Variants in PLOD1 observed in about 807,000 individuals in gnomAD.
PLOD1 encodes lysine hydroxylase.
A neutral mutation model predicts 94.7 loss-of-function variants in PLOD1; 70 were observed. The observed-to-expected ratio is 0.74, with a 90% confidence interval of 0.61 to 0.90. The LOEUF (loss-of-function observed/expected upper bound fraction) is 0.90. Among genes scored for constraint, PLOD1 ranks in the 40% least tolerant of loss-of-function variants. The pLI, the probability that PLOD1 is intolerant of heterozygous loss-of-function variation, is 0.00. For missense variants in PLOD1, 905 were observed against 972.7 expected (o/e 0.93, Z 0.93); for synonymous variants, 417 against 400.2 (o/e 1.04, Z -0.50).
chr1:11,965,733 T>A, intron 14 of PLOD1, 140 bp downstream of exon 14: 1 of 635,338 alleles, frequency 1.6e-6, no homozygotes, highest in East Asian at 2.7e-5. Context: ...CCCAGGAGGC[T>A]ATAGGGCAGG....
rs533577738 is a variant in PLOD1, at chr1:11,951,609, A to T, written c.467-1014A>T. On this transcript the variant is annotated intron_variant, in intron 4 of 18. Coordinates refer to ENST00000196061, the MANE Select transcript of PLOD1 (RefSeq NM_000302.4). The stretch of plus-strand genomic sequence containing the variant: ...TAATGTAAAATATATTATATATATT[A>T]TATATAATAATTTATATAATATATA... Among the ~76,000 whole-genome samples the T allele has an allele frequency of 1.2e-4, 17 of 146,752 alleles. No homozygotes were observed. The East Asian group carries it at 3.3e-3, about 29-fold the overall frequency.
intron 1 of PLOD1, among the ~76,000 whole-genome samples, chr1:11,936,823 A>G (rs1451675310): frequency 6.7e-6 from 1 of 149,014 alleles, no homozygotes; most frequent in Non-Finnish European, 1.5e-5. Flanking sequence ...GCACCCAGCC[A>G]GGAACCACCA....
In PLOD1 at chr1:11,955,430, T is replaced by C. The variant is rs186299298; in HGVS notation, c.643+537T>C. The stretch of plus-strand genomic sequence containing the variant: ...CCTCCCCACAGGGGACTCAGTTTTC[T>C]TATCTTTACAAAAGGGAAGTGAACC... On this transcript the variant is annotated intron_variant, in intron 6 of 18. Coordinates refer to ENST00000196061, the MANE Select transcript of PLOD1 (RefSeq NM_000302.4). 1.1e-3 allele frequency among the ~76,000 whole-genome samples: 169 copies of C among 151,004 alleles called. 1 individual carries two copies. The highest frequency in any genetic ancestry group is 2.1e-3 in the Non-Finnish European group (139 of 67,732).
chr1:11,953,581 C>CA (rs932382128), intron 5 of PLOD1, among the ~76,000 whole-genome samples: 19 of 151,494 alleles, frequency 1.3e-4, no homozygotes, highest in Admixed American at 5.9e-4. Flanking sequence ...CACCTGAGGT[C>CA]AGGAGTTTGA....
At chr1:11,959,459 T>C (rs1341348075) in intron 9 of PLOD1, among the ~76,000 whole-genome samples, 4 of 150,502 alleles carry the variant, frequency 2.7e-5, no homozygotes, top group Non-Finnish European at 5.9e-5. Flanking sequence ...TTTTTTTTTT[T>C]TGAGACAGAG....
chr1:11,935,110 A>G (rs544754519), intron 1 of PLOD1, among the ~76,000 whole-genome samples: 75 of 152,350 alleles, frequency 4.9e-4, no homozygotes, highest in African/African-American at 1.7e-3. Flanking sequence ...AATAGTTTTC[A>G]TAATAATAAC....
rs1569707850 is a variant in PLOD1 at position 11,958,467 on chromosome 1, T to G, written c.844-49T>G. 2 of 1,608,356 alleles carry G rather than the reference T, an allele frequency of 1.2e-6. No homozygotes were observed. On this transcript the variant is annotated intron_variant, in intron 8 of 18. Coordinates refer to ENST00000196061, the MANE Select transcript of PLOD1 (RefSeq NM_000302.4). The surrounding 1 kb of genome is among the most constrained non-coding windows in gnomAD (Gnocchi z 4.3). ...GGGCCACCCTGGGGTGGAGTGGCAG[T>G]GCTGTGACTGGACACTGCTGGACTC...
chr1:11,939,208 G>A (rs1236952152), intron 1 of PLOD1, among the ~76,000 whole-genome samples: 2 of 152,098 alleles, frequency 1.3e-5, no homozygotes, highest in Non-Finnish European at 2.9e-5. Flanking sequence ...AGGCTGCACT[G>A]GATGGTGTGG....
Position 11,966,239 on chromosome 1 carries a change from C to T in PLOD1, c.1585-12C>T, listed in dbSNP as rs1308625835. 1 of 1,600,528 alleles carries T rather than the reference C, an allele frequency of 6.2e-7. No individual in the cohort carries two copies. Among genetic ancestry groups the T allele is most frequent in the Non-Finnish European group, 8.5e-7 (1 of 1,172,034 alleles). On this transcript the variant is annotated splice_polypyrimidine_tract_variant and intron_variant, in intron 14 of 18. Coordinates refer to ENST00000196061, the MANE Select transcript of PLOD1 (RefSeq NM_000302.4). The stretch of plus-strand genomic sequence containing the variant: ...ATGGTGAGGACCCTAGCCTGCTTCC[C>T]ACTTCCCACAGGACTGGAAGGAGAA...
At chr1:11,956,241 G>C (rs1408058325) in intron 6 of PLOD1, among the ~76,000 whole-genome samples, 10 of 152,196 alleles carry the variant, frequency 6.6e-5, no homozygotes, top group Non-Finnish European at 1.2e-4. Context: ...AAAATTAGCT[G>C]GGTGTGGTGG....
intron 4 of PLOD1, among the ~76,000 whole-genome samples, chr1:11,950,738 C>T (rs1484141035): frequency 6.6e-6 from 1 of 152,090 alleles, no homozygotes; most frequent in African/African-American, 2.4e-5. Flanking sequence ...ACCCAGGAGT[C>T]ACTCCTGACT....
chr1:11,952,743 G>A lies in PLOD1; in HGVS notation c.579+8G>A, dbSNP rs769433913. The A allele has an allele frequency of 2.5e-6, 4 of 1,596,146 alleles. No homozygotes were observed. Among genetic ancestry groups the A allele is most frequent in the Non-Finnish European group, 3.4e-6 (4 of 1,163,698 alleles). ...TTGGACCCGGAGAAGAGGGTAAGAGGCAGTGGGCGGGCCAAGGAGAGGGGG... is the reference window on the plus strand; with the variant it reads ...TTGGACCCGGAGAAGAGGGTAAGAGACAGTGGGCGGGCCAAGGAGAGGGGG... On this transcript the variant is annotated splice_region_variant and intron_variant, in intron 5 of 18. Transcript: ENST00000196061.
Position 11,934,844 on chromosome 1 carries a change from C to G in PLOD1, c.65C>G (p.Ala22Gly). The change falls in exon 1 of 19, where the codon GCC becomes GGC. Residue 22 changes from alanine (A) to glycine (G), a missense_variant. Physicochemically the swap from Ala to Gly is moderately conservative, Grantham distance 60. Transcript: ENST00000196061. ...CTGCTGGCCGAAGCGAAGGGCGACGCCAAGCCGGAGGGTGAGGGAGCGAAG... is the reference window on the plus strand; with the variant it reads ...CTGCTGGCCGAAGCGAAGGGCGACGGCAAGCCGGAGGGTGAGGGAGCGAAG... ...WLLLAEAKGD[A>G]KPEDNLLVLT... is the part of the protein sequence containing the mutation. 1 of 1,539,158 alleles carries G rather than the reference C, an allele frequency of 6.5e-7. No homozygotes were observed. The highest frequency in any genetic ancestry group is 1.7e-4 in the Middle Eastern group (1 of 5,778).
chr1:11,966,295 G>A lies in PLOD1; in HGVS notation c.1629G>A (p.Leu543=). The part of the protein sequence containing the change: ...KYIHQNYTKA[L]AGKLVETPCP... ...TCCACCAGAACTACACCAAAGCCCT[G>A]GCAGGGAAGCTGGTGGAGACGGTAA... The change falls in exon 15 of 19, where the codon CTG becomes CTA. Residue 543 remains leucine, a synonymous_variant. Transcript: ENST00000196061. 2 of 1,607,998 alleles carry A rather than the reference G, an allele frequency of 1.2e-6. No individual in the cohort carries two copies. Among genetic ancestry groups the A allele is most frequent in the Non-Finnish European group, 1.7e-6 (2 of 1,177,250 alleles).
In PLOD1 at chr1:11,963,758, C is replaced by T; in HGVS notation, c.1202+122C>T. The stretch of plus-strand genomic sequence containing the variant: ...TCCTCTTCCTCCTCTTTTTCCTTCT[C>T]CTGCTCCTCTTTCTCCTCCTCGTCT... On this transcript the variant is annotated intron_variant, in intron 11 of 18. Transcript: ENST00000196061. The surrounding 1 kb of genome is among the most constrained non-coding windows in gnomAD (Gnocchi z 4.3). 1.4e-6 allele frequency: 1 copy of T among 710,016 alleles called. No individual in the cohort carries two copies. The highest frequency in any genetic ancestry group is 2.6e-6 in the Non-Finnish European group (1 of 389,758). 44.0% of individuals were successfully genotyped at this position (710,016 alleles called of 1,614,324 possible). A position where few individuals can be genotyped will look rare whatever the true frequency, so the allele number is the denominator to read the frequency against.
chr1:11,964,319 G>T lies in PLOD1; in HGVS notation c.1328+19G>T, dbSNP rs1313842761. On this transcript the variant is annotated intron_variant, in intron 12 of 18. Coordinates refer to ENST00000196061, the MANE Select transcript of PLOD1 (RefSeq NM_000302.4). ...GGCGTGTGTGAGTACCTGCAGGGTGGGGGTGGGTGGGGGACACCTTCATCT... is the reference window on the plus strand; with the variant it reads ...GGCGTGTGTGAGTACCTGCAGGGTGTGGGTGGGTGGGGGACACCTTCATCT... 6.3e-7 allele frequency: 1 copy of T among 1,581,624 alleles called. No individual in the cohort carries two copies. Among genetic ancestry groups the T allele is most frequent in the Non-Finnish European group, 8.7e-7 (1 of 1,153,018 alleles).
At position 11,956,929 on chromosome 1, in the gene PLOD1, T is replaced by C. The variant is rs1392799816; in HGVS notation, c.656T>C (p.Leu219Pro). Residue 219 changes from leucine to proline, a missense_variant, in exon 7 of 19, where the codon CTC (leucine) becomes CCC (proline). Physicochemically the swap from Leu to Pro is moderately conservative, Grantham distance 98. Transcript: ENST00000196061. ...NLDGALDEVV[L>P]KFEMGHVRAR... Reference sequence around the variant, plus strand: ...TTCTGACCCCCAGATGAGGTCGTGCTCAAGTTTGAAATGGGCCATGTGAGA... The same window carrying C: ...TTCTGACCCCCAGATGAGGTCGTGCCCAAGTTTGAAATGGGCCATGTGAGA... The C allele has an allele frequency of 1.9e-6, 3 of 1,613,094 alleles. No homozygotes were observed. The highest frequency in any genetic ancestry group is 2.2e-5 in the East Asian group (1 of 44,846).
In PLOD1 at chr1:11,956,715, T is replaced by C. The variant is rs6665648; in HGVS notation, c.644-202T>C. ...GGCCAGGCTTGGTGCCCCACGCTTG[T>C]TCAACACAAATCCTCCCCCTCACCC... On this transcript the variant is annotated intron_variant, in intron 6 of 18. Coordinates refer to ENST00000196061, the MANE Select transcript of PLOD1 (RefSeq NM_000302.4). 0.26 allele frequency among the ~76,000 whole-genome samples: 40,198 copies of C among 151,996 alleles called. 7,898 individuals are homozygous for C. The highest frequency in any genetic ancestry group is 0.56 in the African/African-American group (23,082 of 41,424).
intron 1 of PLOD1, among the ~76,000 whole-genome samples, chr1:11,945,157 C>T (rs949140139): frequency 6.6e-6 from 1 of 152,170 alleles, no homozygotes; most frequent in African/African-American, 2.4e-5. Context: ...TGGTGGCTCA[C>T]GCCTGTAATC....
Sources: gnomAD v4.1 joint callset for allele counts (sites outside exome capture counted in the v4.1 genomes callset) on GRCh38, gnomAD v4.1.1 for gene constraint, Gnocchi (gnomAD v3.1) non-coding constraint, MANE v1.5 for transcripts, NCBI Gene and HGNC (gene_info 2026-07-23, HGNC 2026-07-21) for gene names.